PHLDB2: variants seen among roughly 807,000 people sequenced by gnomAD.
PHLDB2 encodes pleckstrin homology like domain family B member 2.
Under a neutral mutation model 123.6 loss-of-function variants are expected in PHLDB2, and 71 were observed. The ratio of observed to expected loss-of-function variants is 0.57; its 90% CI spans 0.47 to 0.70. PHLDB2 has a LOEUF of 0.70. Among genes scored for constraint, PHLDB2 ranks in the 30% least tolerant of loss-of-function variants. The pLI is 0.00. For synonymous variants in PHLDB2, 547 were observed against 541.6 expected, an observed-to-expected ratio of 1.01 and a Z score of -0.14; for missense variants, 1,446 against 1,519.5, an observed-to-expected ratio of 0.95 and a Z score of 0.80.
In PHLDB2 at chr3:111,940,530, T is replaced by C. The variant is rs698358; in HGVS notation, c.2287-5T>C. 1,569,506 of 1,572,160 alleles carry C rather than the reference T, an allele frequency of 1. 783,464 individuals are homozygous for C. The highest frequency in any genetic ancestry group is 1 in the East Asian group (43,843 of 43,844). Reference sequence around the variant, plus strand: ...ATCTTCCTATGATCATCTCTTTTCCTCCAGGAAAAAATTTCTGCATTGAAA... The same window carrying C: ...ATCTTCCTATGATCATCTCTTTTCCCCCAGGAAAAAATTTCTGCATTGAAA... On this transcript the variant is annotated splice_polypyrimidine_tract_variant and splice_region_variant and intron_variant, in intron 7 of 17. Coordinates refer to ENST00000431670, the MANE Select transcript of PHLDB2 (RefSeq NM_001134438.2).
At chr3:111,805,668 T>C (rs2061550824) in intron 1 of PHLDB2, among the ~76,000 whole-genome samples, 1 of 149,770 alleles carries the variant, frequency 6.7e-6, no homozygotes, top group African/African-American at 2.5e-5. Flanking sequence ...TACTGTCTGA[T>C]TCCATTTTTA....
chr3:111,771,715 G>A (rs1264029869), intron 1 of PHLDB2, among the ~76,000 whole-genome samples: 6 of 152,140 alleles, frequency 3.9e-5, no homozygotes, highest in Non-Finnish European at 8.8e-5. Context: ...TTTGTGTAAG[G>A]ATGCCAGTTA....
chr3:111,955,143 T>TTATATATATATATA (rs1559921115), intron 12 of PHLDB2, among the ~76,000 whole-genome samples: 1 of 9,252 alleles, frequency 1.1e-4, no homozygotes, highest in Non-Finnish European at 2.2e-4. Flanking sequence ...TATGTATATA[T>TTATATATATATATA]GATATATATA....
intron 6 of PHLDB2, among the ~76,000 whole-genome samples, chr3:111,934,845 G>A (rs577239228): frequency 6.6e-6 from 1 of 152,220 alleles, no homozygotes; most frequent in East Asian, 1.9e-4. Flanking sequence ...TTTCATATAT[G>A]AGGATATTTA....
chr3:111,818,823 A>G (rs1213842982), intron 1 of PHLDB2, among the ~76,000 whole-genome samples: 3 of 152,116 alleles, frequency 2.0e-5, no homozygotes, highest in Non-Finnish European at 4.4e-5. Flanking sequence ...AACCTTGGTC[A>G]CTATACTAGA....
In PHLDB2 at chr3:111,884,131, A is replaced by G; in HGVS notation, c.54A>G (p.Leu18=). 1 of 1,614,128 alleles carries G rather than the reference A, an allele frequency of 6.2e-7. No individual in the cohort carries two copies. Among genetic ancestry groups the G allele is most frequent in the South Asian group, 1.1e-5 (1 of 91,084 alleles). Residue 18 remains leucine, a synonymous_variant, in exon 2 of 18, where the codon TTA becomes TTG. Transcript: ENST00000431670. The stretch of plus-strand genomic sequence containing the variant: ...AGCTAGATTTACAAAATGGTAGCTT[A>G]GAGGAAGACTCTGTGGTGCATTCTG... The part of the protein sequence containing the change: ...QKELDLQNGS[L]EEDSVVHSVE...
chr3:111,825,517 G>A (rs528416443), intron 1 of PHLDB2, among the ~76,000 whole-genome samples: 1 of 152,278 alleles, frequency 6.6e-6, no homozygotes, highest in Admixed American at 6.5e-5. Context: ...GCACCATCTC[G>A]GCTCATGGGA....
In PHLDB2 at chr3:111,889,074, G is replaced by A. The variant is rs951151751; in HGVS notation, c.1335+3662G>A. 2.0e-5 allele frequency among the ~76,000 whole-genome samples: 3 copies of A among 152,154 alleles called. No homozygotes were observed. In the East Asian group the frequency reaches 5.8e-4, roughly 29 times the overall value. On this transcript the variant is annotated intron_variant, in intron 2 of 17. Coordinates refer to ENST00000431670, the MANE Select transcript of PHLDB2 (RefSeq NM_001134438.2). Reference sequence around the variant, plus strand: ...GTCACAGTTATAGTTCAGTTTAGATGAGCACAAAGTTTATATTTTTCTTAA... The same window carrying A: ...GTCACAGTTATAGTTCAGTTTAGATAAGCACAAAGTTTATATTTTTCTTAA...
intron 5 of PHLDB2, among the ~76,000 whole-genome samples, chr3:111,931,317 A>C (rs1378655987): frequency 1.3e-5 from 2 of 152,202 alleles, no homozygotes; most frequent in African/African-American, 2.4e-5. Flanking sequence ...AAAGAACACA[A>C]GTTGGGAAGA....
At position 111,842,107 on chromosome 3, in the gene PHLDB2, A is replaced by T. The variant is rs10755070; in HGVS notation, c.-48-3714A>T. Among the ~76,000 whole-genome samples, 8 of 152,296 alleles carry T rather than the reference A, an allele frequency of 5.3e-5. No homozygotes were observed. The East Asian group carries it at 9.6e-4, about 18-fold the overall frequency. ...AAAGTACCTTATAGGGTTATAGTGA[A>T]GTTATAAAGGAGATAATGTAGGTAA... On this transcript the variant is annotated intron_variant, in intron 1 of 17. Coordinates refer to the PHLDB2 transcript ENST00000393923.
At chr3:111,733,540 C>T (rs1214017083) in intron 1 of PHLDB2, among the ~76,000 whole-genome samples, 1 of 152,154 alleles carries the variant, frequency 6.6e-6, no homozygotes, top group African/African-American at 2.4e-5. Context: ...AATATGCAAA[C>T]CTGATGATAC....
chr3:111,953,889 G>T, intron 11 of PHLDB2, 41 bp from the exon 12 acceptor site: 1 of 1,518,250 alleles, frequency 6.6e-7, no homozygotes, highest in Non-Finnish European at 9.1e-7. Context: ...GGTCCATTCA[G>T]CCTGCAGCTT....
At chr3:111,902,186 C>T (rs1279453498) in intron 2 of PHLDB2, among the ~76,000 whole-genome samples, 1 of 152,054 alleles carries the variant, frequency 6.6e-6, no homozygotes, top group African/African-American at 2.4e-5. Flanking sequence ...TTGCATCTGC[C>T]TAACAAAATG....
intron 2 of PHLDB2, among the ~76,000 whole-genome samples, chr3:111,893,555 A>G (rs376934019): frequency 2.8e-4 from 42 of 152,068 alleles, no homozygotes; most frequent in African/African-American, 8.9e-4. Context: ...AGTTGATTTA[A>G]TCTTCAGATT....
At chr3:111,783,270 C>T (rs865832902) in intron 1 of PHLDB2, among the ~76,000 whole-genome samples, 19 of 152,010 alleles carry the variant, frequency 1.2e-4, no homozygotes, top group Admixed American at 7.9e-4. Context: ...AGAGCCAACA[C>T]GTGATAACCT....
rs560613768 is a variant in PHLDB2 at position 111,959,953 on chromosome 3, G to A, written c.2873-2155G>A. Among the ~76,000 whole-genome samples, 3 of 152,268 alleles carry A rather than the reference G, an allele frequency of 2.0e-5. No individual in the cohort carries two copies. In the East Asian group the frequency reaches 5.8e-4, roughly 29 times the overall value. On this transcript the variant is annotated intron_variant, in intron 12 of 17. Transcript: ENST00000431670. Reference sequence around the variant, plus strand: ...AATTCTTGTATGTTTTAAATTACATGGCTGTCCTTTAGGGATTTGTTTTTC... The same window carrying A: ...AATTCTTGTATGTTTTAAATTACATAGCTGTCCTTTAGGGATTTGTTTTTC...
intron 3 of PHLDB2, chr3:111,917,632 G>A (rs551393676): frequency 6.6e-6 from 1 of 152,344 alleles, no homozygotes; most frequent in African/African-American, 2.4e-5. Flanking sequence ...GATATTTCAT[G>A]TAAGATGACA....
chr3:111,948,956 A>G lies in PHLDB2; in HGVS notation c.2512A>G (p.Asn838Asp), dbSNP rs772901248. The G allele has an allele frequency of 1.2e-6, 2 of 1,614,028 alleles. No homozygotes were observed. The highest frequency in any genetic ancestry group is 2.2e-5 in the South Asian group (2 of 91,082). The change falls in exon 10 of 18, where the codon AAT (asparagine) becomes GAT (aspartate). Residue 838 changes from asparagine to aspartate, a missense_variant. Asn to Asp is a conservative substitution (Grantham distance 23, BLOSUM62 1). Coordinates refer to ENST00000431670, the MANE Select transcript of PHLDB2 (RefSeq NM_001134438.2). ...KEGYISVNEI[N>D]EPCGNSTNLS... ...GGGCTATATCAGTGTAAATGAGATT[A>G]ATGAGCCGTGTGGCAATTCCACGAA...
At chr3:111,843,668 A>T (rs1233278802) in intron 1 of PHLDB2, among the ~76,000 whole-genome samples, 3 of 152,232 alleles carry the variant, frequency 2.0e-5, no homozygotes, top group Non-Finnish European at 4.4e-5. Context: ...TTGGGATTAC[A>T]GCAGTGAGCC....
Sources: gnomAD v4.1 joint callset for allele counts (sites outside exome capture counted in the v4.1 genomes callset) on GRCh38, gnomAD v4.1.1 for gene constraint, MANE v1.5 for transcripts, NCBI Gene and HGNC (gene_info 2026-07-23, HGNC 2026-07-21) for gene names.